The following CLYBL variants were observed in gnomAD, a reference collection of about 807,000 sequenced individuals.
The protein encoded by CLYBL is citramalyl-CoA lyase.
A neutral mutation model predicts 38.9 loss-of-function variants in CLYBL; 31 were observed. That is an observed-to-expected ratio of 0.80 (90% CI 0.60 to 1.08). CLYBL has a LOEUF of 1.08. Among genes scored for constraint, CLYBL ranks in the 50% least tolerant of loss-of-function variants. The pLI, the probability that CLYBL is intolerant of heterozygous loss-of-function variation, is 0.00. For synonymous variants in CLYBL, 171 were observed against 158.6 expected (o/e 1.08, Z -0.59); for missense variants, 434 against 411.6 (o/e 1.05, Z -0.47).
rs112613602 is a variant in CLYBL at position 99,641,347 on chromosome 13, T to C, written c.62+34590T>C. Among the ~76,000 whole-genome samples the C allele has an allele frequency of 3.5e-3, 533 of 152,300 alleles. 5 individuals are homozygous for C. Among genetic ancestry groups the C allele is most frequent in the African/African-American group, 0.012 (478 of 41,556 alleles). ...TTGTGCATCTTCCCATTATTTATTA[T>C]ACCAAAAAAATCACTTTATTTCTTA... On this transcript the variant is annotated intron_variant, in intron 1 of 8. Transcript: ENST00000339105.
At chr13:99,702,394 GC>G (rs904328768) in intron 1 of CLYBL, among the ~76,000 whole-genome samples, 2 of 152,104 alleles carry the variant, frequency 1.3e-5, no homozygotes, top group Non-Finnish European at 2.9e-5. Flanking sequence ...ACTTTGGGAG[GC>G]CAAGGCGGGT....
chr13:99,837,924 A>G lies in CLYBL; in HGVS notation c.250-20937A>G, dbSNP rs759921653. The stretch of plus-strand genomic sequence containing the variant: ...ACTAAGCTTCTTAACCATAAATGAG[A>G]AACATTTTTGTAAATTACAAATATT... On this transcript the variant is annotated intron_variant, in intron 2 of 8. Coordinates refer to ENST00000339105, the MANE Select transcript of CLYBL (RefSeq NM_206808.5). Among the ~76,000 whole-genome samples, 80 of 152,180 alleles carry G rather than the reference A, an allele frequency of 5.3e-4. 1 individual carries two copies. Among genetic ancestry groups the G allele is most frequent in the Non-Finnish European group, 8.8e-5 (6 of 68,034 alleles).
intron 1 of CLYBL, among the ~76,000 whole-genome samples, chr13:99,764,568 G>A (rs911786963): frequency 2.0e-5 from 3 of 151,906 alleles, no homozygotes; most frequent in Admixed American, 2.0e-4. Context: ...TTGTATTTCC[G>A]TGGTCTCAAT....
At chr13:99,844,974 C>T (rs1279472616) in intron 2 of CLYBL, among the ~76,000 whole-genome samples, 8 of 152,178 alleles carry the variant, frequency 5.3e-5, no homozygotes, top group Admixed American at 5.2e-4. Context: ...TCCTTCATTG[C>T]CTACCTACCA....
At chr13:99,692,985 G>C (rs1037864668) in intron 1 of CLYBL, among the ~76,000 whole-genome samples, 1 of 152,046 alleles carries the variant, frequency 6.6e-6, no homozygotes, top group African/African-American at 2.4e-5. Context: ...GATATTTTTT[G>C]GGGGATATCC....
At chr13:99,791,921 T>G (rs147046410) in intron 2 of CLYBL, among the ~76,000 whole-genome samples, 2 of 152,288 alleles carry the variant, frequency 1.3e-5, no homozygotes, top group Non-Finnish European at 2.9e-5. Flanking sequence ...TCATGGAGTT[T>G]GCCAATTTTG....
intron 2 of CLYBL, among the ~76,000 whole-genome samples, chr13:99,780,744 C>A (rs984453749): frequency 4.3e-5 from 6 of 138,206 alleles, no homozygotes; most frequent in South Asian, 2.4e-4. Context: ...AACGTAGTCT[C>A]ACTATGTTGC....
intron 1 of CLYBL, among the ~76,000 whole-genome samples, chr13:99,636,627 A>G (rs1167638029): frequency 6.6e-6 from 1 of 152,074 alleles, no homozygotes; most frequent in Non-Finnish European, 1.5e-5. Flanking sequence ...CCTTTTAGAG[A>G]GAGATCTCTG....
intron 2 of CLYBL, among the ~76,000 whole-genome samples, chr13:99,827,515 ACTGGACAGGAC>A (rs2050718856): frequency 6.6e-6 from 1 of 152,132 alleles, no homozygotes; most frequent in Middle Eastern, 3.2e-3. Flanking sequence ...GCAGAAAGAA[ACTGGACAGGAC>A]CTCCCCTTAG....
At position 99,618,020 on chromosome 13, in the gene CLYBL, C is replaced by T. The variant is rs2139193367; in HGVS notation, c.62+11263C>T. Among the ~76,000 whole-genome samples the T allele has an allele frequency of 1.3e-5, 2 of 152,340 alleles. 1 individual carries two copies. The highest frequency in any genetic ancestry group is 3.9e-4 in the East Asian group (2 of 5,190). Reference sequence around the variant, plus strand: ...TTCCTATTGCCCCATTTCCACCAGACATATCACATGCTTATTTGTTTATTG... The same window carrying T: ...TTCCTATTGCCCCATTTCCACCAGATATATCACATGCTTATTTGTTTATTG... On this transcript the variant is annotated intron_variant, in intron 1 of 8. Transcript: ENST00000339105.
chr13:99,772,178 T>C (rs1305063865), intron 1 of CLYBL, among the ~76,000 whole-genome samples: 2 of 152,216 alleles, frequency 1.3e-5, no homozygotes, highest in East Asian at 1.9e-4. Context: ...TTTGGATAGA[T>C]ATTTTCTTTC....
chr13:99,728,646 C>G (rs1485073860), intron 1 of CLYBL, among the ~76,000 whole-genome samples: 1 of 151,984 alleles, frequency 6.6e-6, no homozygotes, highest in Non-Finnish European at 1.5e-5. Context: ...TGCAATCACG[C>G]CTCACTGCAG....
chr13:99,848,782 A>C (rs2051265344), intron 2 of CLYBL, among the ~76,000 whole-genome samples: 1 of 152,226 alleles, frequency 6.6e-6, no homozygotes, highest in Non-Finnish European at 1.5e-5. Flanking sequence ...AAAAGTGGGA[A>C]GAGCCATGAG....
intron 1 of CLYBL, among the ~76,000 whole-genome samples, chr13:99,640,395 A>G (rs1345709947): frequency 1.3e-5 from 2 of 152,196 alleles, no homozygotes; most frequent in Non-Finnish European, 1.5e-5. Context: ...TTATTGTTGT[A>G]TCAGATATCC....
At chr13:99,754,112 A>G (rs1200856997) in intron 1 of CLYBL, among the ~76,000 whole-genome samples, 5 of 140,472 alleles carry the variant, frequency 3.6e-5, no homozygotes, top group Non-Finnish European at 7.6e-5. Context: ...AAAAAAAAAA[A>G]AAAGTATTAG....
At chr13:99,901,177 G>A (rs1380622398), downstream of CLYBL, among the ~76,000 whole-genome samples, 1 of 152,140 alleles carries the variant, frequency 6.6e-6, no homozygotes, top group Non-Finnish European at 1.5e-5. Flanking sequence ...TCTTGGCCGC[G>A]GGCCTCACTC....
intron 1 of CLYBL, among the ~76,000 whole-genome samples, chr13:99,682,167 A>G (rs1052759327): frequency 2.6e-5 from 4 of 151,420 alleles, no homozygotes; most frequent in African/African-American, 9.7e-5. Flanking sequence ...TTTTGGAGAC[A>G]GAGTCTCGCT....
chr13:99,663,204 A>G (rs2047434162), intron 1 of CLYBL, among the ~76,000 whole-genome samples: 1 of 152,226 alleles, frequency 6.6e-6, no homozygotes, highest in Non-Finnish European at 1.5e-5. Context: ...AATAAACCCT[A>G]AAGATAGGCA....
At chr13:99,887,836 A>G (rs1454028409) in intron 7 of CLYBL, among the ~76,000 whole-genome samples, 1 of 146,346 alleles carries the variant, frequency 6.8e-6, no homozygotes, top group Non-Finnish European at 1.5e-5. Flanking sequence ...TCTTATAGAT[A>G]CAGAGTTTCA....
Sources: allele counts gnomAD v4.1 joint callset (sites outside exome capture counted in the v4.1 genomes callset), GRCh38; gene constraint gnomAD v4.1.1; transcripts MANE v1.5; gene names NCBI Gene and HGNC (gene_info 2026-07-23, HGNC 2026-07-21).